Variants in PDE8B observed in about 807,000 individuals in gnomAD.
PDE8B encodes phosphodiesterase 8B.
Under a neutral mutation model 101.3 loss-of-function variants are expected in PDE8B, and 26 were observed. The observed-to-expected ratio is 0.26, with a 90% confidence interval of 0.19 to 0.36. The LOEUF is 0.36. PDE8B is among the 10% of genes least tolerant of loss of function. PDE8B has a pLI of 1.00. For missense variants in PDE8B, 810 were observed against 1,163.1 expected (o/e 0.70, Z 4.42); for synonymous variants, 424 against 429.3 (o/e 0.99, Z 0.15).
the PDE8B span, among the ~76,000 whole-genome samples, chr5:77,199,604 A>G: frequency 6.6e-6 from 1 of 152,170 alleles, no homozygotes; most frequent in Admixed American, 6.6e-5. Context: ...AGCATTAGCC[A>G]TATTTCTTTT....
intron 2 of PDE8B, among the ~76,000 whole-genome samples, chr5:77,314,071 T>C (rs1362242222): frequency 6.6e-6 from 1 of 152,178 alleles, no homozygotes; most frequent in Non-Finnish European, 1.5e-5. Flanking sequence ...TGATCCATTT[T>C]GGGTTAATTT....
the PDE8B span, chr5:77,114,758 T>C: frequency 6.6e-6 from 1 of 152,368 alleles, no homozygotes; most frequent in Admixed American, 6.5e-5. Flanking sequence ...AGATTAATGT[T>C]GCCAGTTATA....
At chr5:77,373,025 C>G (rs373516746) in intron 10 of PDE8B, among the ~76,000 whole-genome samples, 4,325 of 89,856 alleles carry the variant, frequency 0.048, 198 homozygotes, top group African/African-American at 0.18. Flanking sequence ...GAGACTTCAT[C>G]TCAAAAAAAA....
the PDE8B span, among the ~76,000 whole-genome samples, chr5:77,182,393 G>C: frequency 2.6e-5 from 4 of 152,116 alleles, no homozygotes; most frequent in African/African-American, 9.7e-5. Context: ...TTAATGCTTA[G>C]AATGCACTGG....
intron 1 of PDE8B, among the ~76,000 whole-genome samples, chr5:77,252,881 A>G (rs1345292884): frequency 2.0e-5 from 3 of 152,144 alleles, no homozygotes; most frequent in Non-Finnish European, 4.4e-5. Flanking sequence ...TAAGGAGATA[A>G]TTTTCTATTT....
intron 1 of PDE8B, among the ~76,000 whole-genome samples, chr5:77,294,443 T>G (rs1018571331): frequency 6.6e-6 from 1 of 152,116 alleles, no homozygotes; most frequent in Admixed American, 6.5e-5. Context: ...CAGGCTCCAG[T>G]TGGCAAACAG....
chr5:77,260,372 T>A (rs1243627420), intron 1 of PDE8B, among the ~76,000 whole-genome samples: 3 of 152,052 alleles, frequency 2.0e-5, no homozygotes, highest in Non-Finnish European at 2.9e-5. Flanking sequence ...GGAGGAGGCC[T>A]TTTCCTGTAA....
At chr5:77,088,462 C>T in the PDE8B span, 1 of 126,550 alleles carries the variant, frequency 7.9e-6, no homozygotes, top group African/African-American at 3.0e-5. Flanking sequence ...CACACATGGA[C>T]TTGAAGGATG....
intron 1 of PDE8B, among the ~76,000 whole-genome samples, chr5:77,238,565 A>G (rs890550697): frequency 1.3e-5 from 2 of 152,176 alleles, no homozygotes; most frequent in Non-Finnish European, 2.9e-5. Context: ...GTTGACATCT[A>G]TATTACTGAG....
At chr5:77,244,196 T>C (rs12515504) in intron 1 of PDE8B, among the ~76,000 whole-genome samples, 49,571 of 151,658 alleles carry the variant, frequency 0.33, 9,062 homozygotes, top group East Asian at 0.83. Flanking sequence ...TTAGAAAGAC[T>C]TAGCTTGGGG....
the PDE8B span, among the ~76,000 whole-genome samples, chr5:77,205,010 T>A: frequency 6.6e-6 from 1 of 152,188 alleles, no homozygotes; most frequent in Non-Finnish European, 1.5e-5. Context: ...CTAGCCTGAT[T>A]ATTGGGGTCC....
At chr5:77,301,450 A>G (rs1422596500) in intron 1 of PDE8B, among the ~76,000 whole-genome samples, 1 of 152,190 alleles carries the variant, frequency 6.6e-6, no homozygotes, top group Non-Finnish European at 1.5e-5. Flanking sequence ...TGTAATGTTC[A>G]GGAGAAGGGA....
At chr5:77,222,814 A>G (rs1441344066) in intron 1 of PDE8B, among the ~76,000 whole-genome samples, 1 of 152,204 alleles carries the variant, frequency 6.6e-6, no homozygotes, top group African/African-American at 2.4e-5. Flanking sequence ...GCCAAGGAGC[A>G]GACAACTGTA....
chr5:77,184,740 G>A, the PDE8B span, among the ~76,000 whole-genome samples: 3 of 152,090 alleles, frequency 2.0e-5, no homozygotes, highest in East Asian at 5.8e-4. Context: ...AGCACTTTAG[G>A]GGGCTGAGGC....
At chr5:77,229,592 T>A (rs757143481) in intron 1 of PDE8B, among the ~76,000 whole-genome samples, 1 of 152,144 alleles carries the variant, frequency 6.6e-6, no homozygotes, top group Non-Finnish European at 1.5e-5. Context: ...TCAGTTCCAA[T>A]CCCCACCCCT....
intron 1 of PDE8B, among the ~76,000 whole-genome samples, chr5:77,286,169 G>A (rs905430989): frequency 1.3e-5 from 2 of 152,108 alleles, no homozygotes; most frequent in Non-Finnish European, 2.9e-5. Context: ...TTTAGCAGGC[G>A]ATTAGCTTGA....
At chr5:77,409,676 A>G (rs1413861197) in intron 14 of PDE8B, among the ~76,000 whole-genome samples, 3 of 152,098 alleles carry the variant, frequency 2.0e-5, no homozygotes, top group Admixed American at 6.5e-5. Context: ...GCTGTGATCT[A>G]TTTGGCTTTC....
intron 11 of PDE8B, among the ~76,000 whole-genome samples, chr5:77,402,653 T>G (rs1792539314): frequency 6.6e-6 from 1 of 152,232 alleles, no homozygotes. Flanking sequence ...AGCCCCCATA[T>G]ACTACATGCT....
chr5:77,371,171 GT>G (rs1561599954), intron 10 of PDE8B, among the ~76,000 whole-genome samples: 1 of 152,232 alleles, frequency 6.6e-6, no homozygotes, highest in East Asian at 1.9e-4. Context: ...GTTGTTTTCT[GT>G]GACCTACCTA....
Sources: allele counts gnomAD v4.1 joint callset (sites outside exome capture counted in the v4.1 genomes callset), GRCh38; gene constraint gnomAD v4.1.1; transcripts MANE v1.5; gene names NCBI Gene and HGNC (gene_info 2026-07-23, HGNC 2026-07-21).